Variants in UBE2E1 observed in about 807,000 individuals in gnomAD.
The protein encoded by UBE2E1 is ubiquitin-conjugating enzyme E2 E1.
Under a neutral mutation model 21.4 loss-of-function variants are expected in UBE2E1, and 6 were observed. The ratio of observed to expected loss-of-function variants is 0.28; its 90% CI spans 0.15 to 0.55. UBE2E1 has a LOEUF of 0.55. Among genes scored for constraint, UBE2E1 ranks in the 20% least tolerant of loss-of-function variants. The probability of loss-of-function intolerance (pLI) is 0.93; values close to 1 mark genes in which losing one functional copy is unlikely to be tolerated. For synonymous variants in UBE2E1, 87 were observed against 82.7 expected (o/e 1.05, Z -0.28); for missense variants, 142 against 236.5 (o/e 0.60, Z 2.62).
In UBE2E1 at chr3:23,888,974, T is replaced by G. The variant is rs1181484844; in HGVS notation, c.337-138T>G. 7.0e-6 allele frequency: 6 copies of G among 857,420 alleles called. No homozygotes were observed. The African/African-American group carries it at 1.0e-4, about 15-fold the overall frequency. The allele number at this position is 857,420 out of a possible 1,614,324, so 53.1% of individuals were successfully genotyped here. A position where few individuals can be genotyped will look rare whatever the true frequency, so the allele number is the denominator to read the frequency against. ...TGAGATGGTATCAATGAACACTTTC[T>G]AATCAAATTTATTGTCTATCTTCTT... On this transcript the variant is annotated intron_variant, in intron 4 of 5. Coordinates refer to ENST00000306627, the MANE Select transcript of UBE2E1 (RefSeq NM_003341.5).
chr3:23,844,668 A>G (rs1700160578), intron 3 of UBE2E1, among the ~76,000 whole-genome samples: 1 of 152,224 alleles, frequency 6.6e-6, no homozygotes, highest in Non-Finnish European at 1.5e-5. Context: ...GTAGCAGAGC[A>G]TGAGAATTCC....
rs1269396060 is a variant in UBE2E1, at chr3:23,891,505, C to T, written c.*899C>T. Among the ~76,000 whole-genome samples, 2 of 152,196 alleles carry T rather than the reference C, an allele frequency of 1.3e-5. No individual in the cohort carries two copies. The highest frequency in any genetic ancestry group is 2.9e-5 in the Non-Finnish European group (2 of 68,032). ...GGTATCCTAGAAAAGGTTAAATAAT[C>T]TACCCCATTTAGGCTTCAAAGACGA... On this transcript the variant is annotated 3_prime_UTR_variant, in exon 6 of 6. Coordinates refer to ENST00000306627, the MANE Select transcript of UBE2E1 (RefSeq NM_003341.5).
chr3:23,889,030 CCTT>C (rs765649322), intron 4 of UBE2E1, 79 bp from the exon 5 acceptor site: 51 of 1,414,824 alleles, frequency 3.6e-5, no homozygotes, highest in East Asian at 1.9e-4. Flanking sequence ...CTTTTAGTCA[CCTT>C]CTTAAGGGTC....
chr3:23,848,153 C>T (rs1700246526), intron 3 of UBE2E1, among the ~76,000 whole-genome samples: 2 of 152,126 alleles, frequency 1.3e-5, no homozygotes, highest in African/African-American at 4.8e-5. Context: ...TTTAAAGTAA[C>T]TTGCTTTAAG....
chr3:23,862,154 C>T (rs1042373639), intron 3 of UBE2E1, among the ~76,000 whole-genome samples: 1 of 152,132 alleles, frequency 6.6e-6, no homozygotes, highest in African/African-American at 2.4e-5. Context: ...CCATCACACA[C>T]CTGCAAGTGG....
At chr3:23,807,099 C>T in intron 1 of UBE2E1, 138 bp from the exon 2 acceptor site, 1 of 675,508 alleles carries the variant, frequency 1.5e-6, no homozygotes, top group South Asian at 2.2e-5. Context: ...AATGGGCCTG[C>T]AGACTTTGAA....
chr3:23,811,983 A>G (rs972240093), intron 3 of UBE2E1, among the ~76,000 whole-genome samples: 2 of 152,214 alleles, frequency 1.3e-5, no homozygotes, highest in Admixed American at 1.3e-4. Flanking sequence ...TTGGCAGAGC[A>G]ATTCAGGAAA....
intron 3 of UBE2E1, among the ~76,000 whole-genome samples, chr3:23,859,124 C>T (rs1700500193): frequency 6.6e-6 from 1 of 152,176 alleles, no homozygotes; most frequent in African/African-American, 2.4e-5. Flanking sequence ...AGTTACCTCA[C>T]TAAACACTCC....
Position 23,826,110 on chromosome 3 carries a change from G to A in UBE2E1, c.203+14600G>A, listed in dbSNP as rs566194966. On this transcript the variant is annotated intron_variant, in intron 3 of 5. Transcript: ENST00000306627. Reference sequence around the variant, plus strand: ...AATTGTATTAAAAAATAGAGGTTATGCAGATACTCTGTAAAACTTTTTTGG... The same window carrying A: ...AATTGTATTAAAAAATAGAGGTTATACAGATACTCTGTAAAACTTTTTTGG... 9.9e-5 allele frequency among the ~76,000 whole-genome samples: 15 copies of A among 152,254 alleles called. No homozygotes were observed. In the South Asian group the frequency reaches 2.7e-3, roughly 27 times the overall value.
At chr3:23,831,966 A>G (rs1044875397) in intron 3 of UBE2E1, among the ~76,000 whole-genome samples, 1 of 152,036 alleles carries the variant, frequency 6.6e-6, no homozygotes, top group Non-Finnish European at 1.5e-5. Context: ...TCCGCCTCCC[A>G]AAGTGCTGAG....
In UBE2E1 at chr3:23,870,720, C is replaced by T. The variant is rs542889513; in HGVS notation, c.204-16847C>T. ...TTATTGATCATTCTTGGGTGTTTCT[C>T]GCAGAGGGGTATTTGGCAGGGTCAT... On this transcript the variant is annotated intron_variant, in intron 3 of 5. Coordinates refer to ENST00000306627, the MANE Select transcript of UBE2E1 (RefSeq NM_003341.5). The surrounding 1 kb of genome is among the most constrained non-coding windows in gnomAD (Gnocchi z 4.2). 1.0e-3 allele frequency among the ~76,000 whole-genome samples: 155 copies of T among 151,302 alleles called. 2 individuals are homozygous for T. Among genetic ancestry groups the T allele is most frequent in the African/African-American group, 3.4e-3 (139 of 41,132 alleles).
intron 3 of UBE2E1, among the ~76,000 whole-genome samples, chr3:23,815,556 C>G (rs926487660): frequency 2.0e-5 from 3 of 152,158 alleles, no homozygotes; most frequent in African/African-American, 7.2e-5. Flanking sequence ...TTGTGTTTTT[C>G]TGGCATTCCA....
rs1199282646 is a variant in UBE2E1 at position 23,806,097 on chromosome 3, A to T, written c.-34+9A>T. ...GCCAGACACAAAGAGAGGTACGGGG[A>T]TCCCCCCAGCGGCCCGCCGCCCCCC... On this transcript the variant is annotated intron_variant, in intron 1 of 5. Coordinates refer to ENST00000306627, the MANE Select transcript of UBE2E1 (RefSeq NM_003341.5). The surrounding 1 kb of genome is among the most constrained non-coding windows in gnomAD (Gnocchi z 6.5). 1 of 148,458 alleles carries T rather than the reference A, an allele frequency of 6.7e-6. No individual in the cohort carries two copies. The highest frequency in any genetic ancestry group is 1.5e-5 in the Non-Finnish European group (1 of 66,536). The allele number at this position is 148,458 out of a possible 1,614,324, so 9.2% of individuals were successfully genotyped here. A position where few individuals can be genotyped will look rare whatever the true frequency, so the allele number is the denominator to read the frequency against.
chr3:23,857,848 T>C (rs954654577), intron 3 of UBE2E1, among the ~76,000 whole-genome samples: 3 of 152,216 alleles, frequency 2.0e-5, no homozygotes, highest in African/African-American at 7.2e-5. Flanking sequence ...TTAGCTAGTC[T>C]TTTTTGTTTG....
intron 3 of UBE2E1, among the ~76,000 whole-genome samples, chr3:23,871,005 G>T (rs963803671): frequency 1.2e-4 from 18 of 152,214 alleles, no homozygotes; most frequent in African/African-American, 3.9e-4. Flanking sequence ...TAAGGTCACA[G>T]ATCAACAGGA....
At chr3:23,866,779 T>C (rs1700666242) in intron 3 of UBE2E1, among the ~76,000 whole-genome samples, 1 of 152,246 alleles carries the variant, frequency 6.6e-6, no homozygotes, top group Admixed American at 6.5e-5. Context: ...TTAAGAAATT[T>C]AAATAACACC....
chr3:23,810,028 C>A lies in UBE2E1; in HGVS notation c.153-1432C>A, dbSNP rs1358356180. On this transcript the variant is annotated intron_variant, in intron 2 of 5. Coordinates refer to ENST00000306627, the MANE Select transcript of UBE2E1 (RefSeq NM_003341.5). The surrounding 1 kb of genome is among the most constrained non-coding windows in gnomAD (Gnocchi z 5.8). ...GTAGGAAGGTTTATAGAACCTCCCC[C>A]AGTCGTCGTCCTTAAAACCTGTTCC... is the stretch of plus-strand genomic sequence containing the variant. Among the ~76,000 whole-genome samples the A allele has an allele frequency of 6.6e-6, 1 of 152,224 alleles. No homozygotes were observed. The highest frequency in any genetic ancestry group is 1.5e-5 in the Non-Finnish European group (1 of 68,042).
chr3:23,814,134 G>A (rs4858091), intron 3 of UBE2E1, among the ~76,000 whole-genome samples: 7,632 of 151,964 alleles, frequency 0.05, 237 homozygotes, highest in East Asian at 0.11. Flanking sequence ...CAGCCTGGGC[G>A]ACAGAGTGAG....
chr3:23,880,083 T>C (rs1009344068), intron 3 of UBE2E1, among the ~76,000 whole-genome samples: 24 of 152,258 alleles, frequency 1.6e-4, no homozygotes, highest in East Asian at 1.9e-4. Flanking sequence ...CCTGTCTCTA[T>C]GAAAAATGTA....
Sources: allele counts gnomAD v4.1 joint callset (sites outside exome capture counted in the v4.1 genomes callset), GRCh38; gene constraint gnomAD v4.1.1; non-coding constraint Gnocchi (gnomAD v3.1); transcripts MANE v1.5; gene names NCBI Gene and HGNC (gene_info 2026-07-23, HGNC 2026-07-21).